KIF26B: variants seen among roughly 807,000 people sequenced by gnomAD.
KIF26B encodes the protein kinesin-like protein KIF26B.
KIF26B carries 63 observed loss-of-function variants against 151.2 expected under a neutral mutation model. The ratio of observed to expected loss-of-function variants is 0.42; its 90% CI spans 0.34 to 0.51. KIF26B has a LOEUF of 0.51. Among genes scored for constraint, KIF26B ranks in the 20% least tolerant of loss-of-function variants. The pLI is 0.07. For synonymous variants in KIF26B, 1,357 were observed against 1,262.1 expected, an observed-to-expected ratio of 1.08 and a Z score of -1.59; for missense variants, 2,813 against 2,913.6, an observed-to-expected ratio of 0.97 and a Z score of 0.79.
At chr1:245,274,304 C>A (rs1238833842) in intron 2 of KIF26B, among the ~76,000 whole-genome samples, 1 of 151,908 alleles carries the variant, frequency 6.6e-6, no homozygotes, top group Non-Finnish European at 1.5e-5. Context: ...ATACACATGC[C>A]ATGGTGGTTT....
intron 4 of KIF26B, among the ~76,000 whole-genome samples, chr1:245,443,386 C>G (rs1367311700): frequency 6.8e-6 from 1 of 147,392 alleles, no homozygotes; most frequent in Non-Finnish European, 1.5e-5. Flanking sequence ...GGTCATCTCT[C>G]TCACTGTTCA....
chr1:245,464,382 GGTGTGTGTGTGT>G (rs145902975), intron 4 of KIF26B, among the ~76,000 whole-genome samples: 21 of 146,632 alleles, frequency 1.4e-4, no homozygotes, highest in African/African-American at 5.1e-4. Flanking sequence ...GGTGTGTGTA[GGTGTGTGTGTGT>G]GGGTGTGTGC....
intron 2 of KIF26B, among the ~76,000 whole-genome samples, chr1:245,271,600 A>G (rs1179092249): frequency 6.9e-6 from 1 of 145,664 alleles, no homozygotes; most frequent in Non-Finnish European, 1.5e-5. Flanking sequence ...TTTTTTTTAC[A>G]TATTTTGAGA....
intron 9 of KIF26B, among the ~76,000 whole-genome samples, chr1:245,630,536 A>AACACATGGAGC (rs1219017926): frequency 6.6e-6 from 1 of 152,154 alleles, no homozygotes; most frequent in African/African-American, 2.4e-5. Flanking sequence ...GAACAATGAG[A>AACACATGGAGC]ACACATGGAC....
intron 2 of KIF26B, among the ~76,000 whole-genome samples, chr1:245,299,357 C>T (rs1435275815): frequency 1.4e-5 from 2 of 146,716 alleles, no homozygotes; most frequent in Non-Finnish European, 3.0e-5. Flanking sequence ...TTTGGGTCGC[C>T]CACATGATGG....
At chr1:245,410,916 A>G (rs1012305355) in intron 3 of KIF26B, among the ~76,000 whole-genome samples, 9 of 132,734 alleles carry the variant, frequency 6.8e-5, no homozygotes, top group African/African-American at 1.1e-4. Context: ...CGTTAACAAT[A>G]ACTCTATGAA....
intron 2 of KIF26B, among the ~76,000 whole-genome samples, chr1:245,261,467 TTCTC>T (rs376897211): frequency 0.021 from 2,303 of 112,094 alleles, 30 homozygotes; most frequent in Non-Finnish European, 0.028. Flanking sequence ...TTTTCTTTCT[TTCTC>T]TCTCTCTCTC....
intron 4 of KIF26B, among the ~76,000 whole-genome samples, chr1:245,433,922 G>T (rs1392374370): frequency 6.6e-6 from 1 of 151,922 alleles, no homozygotes; most frequent in South Asian, 2.1e-4. Flanking sequence ...GACAAAGAAA[G>T]AGAAATTCTC....
chr1:245,296,950 T>C (rs967970809), intron 2 of KIF26B, among the ~76,000 whole-genome samples: 2 of 152,208 alleles, frequency 1.3e-5, no homozygotes, highest in Non-Finnish European at 2.9e-5. Flanking sequence ...TTTTTCTGTG[T>C]ATATGCTGAA....
At chr1:245,567,310 CTT>C (rs2043019325) in intron 5 of KIF26B, among the ~76,000 whole-genome samples, 1 of 152,196 alleles carries the variant, frequency 6.6e-6, no homozygotes, top group Admixed American at 6.5e-5. Context: ...AGAAATGACT[CTT>C]TGGATTTTTC....
intron 2 of KIF26B, among the ~76,000 whole-genome samples, chr1:245,265,904 G>A (rs147960909): frequency 2.9e-3 from 441 of 152,168 alleles, no homozygotes; most frequent in African/African-American, 0.01. Context: ...CACCCTGCCC[G>A]ACCCAAGAAT....
intron 3 of KIF26B, among the ~76,000 whole-genome samples, chr1:245,392,277 C>G (rs1572039102): frequency 6.6e-6 from 1 of 152,106 alleles, no homozygotes; most frequent in East Asian, 1.9e-4. Flanking sequence ...TCCCATTGCC[C>G]TAACAATTTG....
intron 2 of KIF26B, among the ~76,000 whole-genome samples, chr1:245,164,101 T>C (rs1166965264): frequency 3.3e-5 from 5 of 152,242 alleles, no homozygotes; most frequent in African/African-American, 4.8e-5. Context: ...GATCTGTCTA[T>C]ATTTTTTAAA....
intron 2 of KIF26B, among the ~76,000 whole-genome samples, chr1:245,188,281 C>CAAAAAA (rs10661723): frequency 1.3e-5 from 1 of 79,506 alleles, no homozygotes; most frequent in Non-Finnish European, 2.3e-5. Flanking sequence ...ACTCCATCTC[C>CAAAAAA]AAAAAAAAAA....
intron 5 of KIF26B, among the ~76,000 whole-genome samples, chr1:245,561,309 C>T (rs919775112): frequency 2.0e-5 from 3 of 152,162 alleles, no homozygotes; most frequent in African/African-American, 7.2e-5. Flanking sequence ...GCTACCGATA[C>T]AGAGGGAAGC....
chr1:245,442,321 G>C (rs186880466), intron 4 of KIF26B, among the ~76,000 whole-genome samples: 42 of 152,218 alleles, frequency 2.8e-4, no homozygotes, highest in Non-Finnish European at 4.6e-4. Context: ...CTTATACCGG[G>C]TGTTCAGGCA....
chr1:245,175,167 C>T (rs1668781115), intron 2 of KIF26B, among the ~76,000 whole-genome samples: 1 of 152,148 alleles, frequency 6.6e-6, no homozygotes, highest in Non-Finnish European at 1.5e-5. Flanking sequence ...TAACTGCTTT[C>T]AGATGCTGCT....
chr1:245,465,884 CCTT>C (rs1371441265), intron 4 of KIF26B, among the ~76,000 whole-genome samples: 1 of 152,190 alleles, frequency 6.6e-6, no homozygotes, highest in East Asian at 1.9e-4. Flanking sequence ...TCTCCCATCT[CCTT>C]CTGCGCTCTC....
At chr1:245,307,981 C>T (rs893717409) in intron 2 of KIF26B, among the ~76,000 whole-genome samples, 2 of 152,176 alleles carry the variant, frequency 1.3e-5, no homozygotes, top group Non-Finnish European at 2.9e-5. Flanking sequence ...ACTGGTTAAT[C>T]TTTCAGTCCA....
Sources: allele counts gnomAD v4.1 joint callset (sites outside exome capture counted in the v4.1 genomes callset), GRCh38; gene constraint gnomAD v4.1.1; transcripts MANE v1.5; gene names NCBI Gene and HGNC (gene_info 2026-07-23, HGNC 2026-07-21).